Variants in CHSY3 observed in about 807,000 individuals in gnomAD.
CHSY3 encodes N-acetylgalactosaminyl-proteoglycan 3-beta-glucuronosyltransferase 3.
Under a neutral mutation model 67.2 loss-of-function variants are expected in CHSY3, and 35 were observed. The observed-to-expected ratio is 0.52, with a 90% CI of 0.40 to 0.69. CHSY3 has a LOEUF of 0.69. Ranked by LOEUF, CHSY3 falls within the 30% of genes least tolerant of loss-of-function variation. The pLI is 0.00. For synonymous variants in CHSY3, 474 were observed against 434.7 expected, an observed-to-expected ratio of 1.09 and a Z score of -1.12; for missense variants, 1,069 against 1,138.5, an observed-to-expected ratio of 0.94 and a Z score of 0.88.
Position 130,133,800 on chromosome 5 carries a change from A to G in CHSY3, c.1087-50429A>G, listed in dbSNP as rs867247482. Among the ~76,000 whole-genome samples, 238 of 148,752 alleles carry G rather than the reference A, an allele frequency of 1.6e-3. 1 individual carries two copies. Among genetic ancestry groups the G allele is most frequent in the African/African-American group, 5.5e-3 (225 of 40,942 alleles). ...AAAAAAAAAAAAAAAAAAAAAGAAA[A>G]AAAAAAAAAAGGCTGTCAACCTAAG... On this transcript the variant is annotated intron_variant, in intron 2 of 2. Coordinates refer to ENST00000305031, the MANE Select transcript of CHSY3 (RefSeq NM_175856.5).
At chr5:129,966,244 T>C (rs1390506171) in intron 2 of CHSY3, among the ~76,000 whole-genome samples, 1 of 151,880 alleles carries the variant, frequency 6.6e-6, no homozygotes, top group Non-Finnish European at 1.5e-5. Flanking sequence ...ACATTCATCT[T>C]TGGCAACTAT....
intron 2 of CHSY3, among the ~76,000 whole-genome samples, chr5:129,950,555 A>T (rs1473142002): frequency 6.6e-6 from 1 of 152,238 alleles, no homozygotes; most frequent in African/African-American, 2.4e-5. Context: ...GTTAGAGCTA[A>T]TAAATATATT....
At chr5:130,043,711 G>A (rs1765067312) in intron 2 of CHSY3, among the ~76,000 whole-genome samples, 1 of 151,976 alleles carries the variant, frequency 6.6e-6, no homozygotes, top group South Asian at 2.1e-4. Flanking sequence ...TTGATGTCAT[G>A]TAGCAGAATT....
chr5:130,026,814 A>G (rs1764555095), intron 2 of CHSY3, among the ~76,000 whole-genome samples: 1 of 152,112 alleles, frequency 6.6e-6, no homozygotes, highest in African/African-American at 2.4e-5. Flanking sequence ...TTCTTGTAAC[A>G]TTTTATTCTG....
intron 2 of CHSY3, among the ~76,000 whole-genome samples, chr5:129,979,248 T>G (rs1162181775): frequency 6.8e-6 from 1 of 147,476 alleles, no homozygotes. Flanking sequence ...AAAGAAAAAT[T>G]AGTACTAATT....
At chr5:130,147,990 TC>T (rs2149722848) in intron 2 of CHSY3, among the ~76,000 whole-genome samples, 1 of 152,210 alleles carries the variant, frequency 6.6e-6, no homozygotes, top group East Asian at 1.9e-4. Flanking sequence ...TTTTTCCTGA[TC>T]CCCTCCCTCC....
intron 2 of CHSY3, among the ~76,000 whole-genome samples, chr5:130,013,209 C>G (rs901459742): frequency 6.6e-6 from 1 of 152,156 alleles, no homozygotes; most frequent in Non-Finnish European, 1.5e-5. Context: ...GGTACAGCCC[C>G]CCTCCTGGCT....
chr5:130,052,613 A>G (rs1368779530), intron 2 of CHSY3, among the ~76,000 whole-genome samples: 6 of 152,128 alleles, frequency 3.9e-5, no homozygotes, highest in Non-Finnish European at 8.8e-5. Context: ...ATTTTATTCA[A>G]AGGGAAAACA....
intron 2 of CHSY3, among the ~76,000 whole-genome samples, chr5:129,940,099 G>C (rs1761652092): frequency 6.6e-6 from 1 of 151,916 alleles, no homozygotes; most frequent in Non-Finnish European, 1.5e-5. Flanking sequence ...TTCCAGTTTG[G>C]ATTATCTTCA....
rs370585070 is a variant in CHSY3, at chr5:130,115,229, CT to C, written c.1087-68994del. On this transcript the variant is annotated intron_variant, in intron 2 of 2. Transcript: ENST00000305031. ...ACTTCAAAAAGAAAGGTTTATAGTT[CT>C]TTTTTCCCCCCATTTTTTTCCTCCA... is the stretch of plus-strand genomic sequence containing the variant. 5.4e-3 allele frequency among the ~76,000 whole-genome samples: 810 copies of C among 151,292 alleles called. 4 individuals carry two copies. Among genetic ancestry groups the C allele is most frequent in the African/African-American group, 0.012 (500 of 41,236 alleles).
chr5:130,091,233 G>A (rs1238810671), intron 2 of CHSY3, among the ~76,000 whole-genome samples: 1 of 151,882 alleles, frequency 6.6e-6, no homozygotes, highest in East Asian at 1.9e-4. Context: ...AGTCCTTTTA[G>A]TATGTAATTA....
chr5:130,157,543 G>T lies in CHSY3; in HGVS notation c.1087-26686G>T, dbSNP rs1319167594. Among the ~76,000 whole-genome samples, 2 of 152,200 alleles carry T rather than the reference G, an allele frequency of 1.3e-5. 1 individual carries two copies. Among genetic ancestry groups the T allele is most frequent in the Non-Finnish European group, 2.9e-5 (2 of 68,032 alleles). On this transcript the variant is annotated intron_variant, in intron 2 of 2. Coordinates refer to ENST00000305031, the MANE Select transcript of CHSY3 (RefSeq NM_175856.5). ...AGTCGCTAAGATTTAAAGGACCAAA[G>T]ATTTTCGTTTAGTAGAGAAAAATTT...
chr5:130,177,204 AGT>A (rs1770081205), intron 2 of CHSY3, among the ~76,000 whole-genome samples: 1 of 133,898 alleles, frequency 7.5e-6, no homozygotes, highest in African/African-American at 2.7e-5. Context: ...TATATATATG[AGT>A]GTGTGTATAT....
chr5:130,164,873 A>G (rs940988518), intron 2 of CHSY3, among the ~76,000 whole-genome samples: 5 of 152,210 alleles, frequency 3.3e-5, no homozygotes, highest in Non-Finnish European at 7.3e-5. Context: ...TGATTTAGTC[A>G]GAGAAAGTGT....
Position 129,905,598 on chromosome 5 carries a change from T to G in CHSY3, c.769T>G (p.Phe257Val). 6.2e-7 allele frequency: 1 copy of G among 1,613,632 alleles called. No homozygotes were observed. Among genetic ancestry groups the G allele is most frequent in the Non-Finnish European group, 8.5e-7 (1 of 1,179,974 alleles). ...CCACTACCTGGACAAGTATGAGTGG[T>G]TCATGCGCGCCGACGACGATGTCTA... ...HDHYLDKYEW[F>V]MRADDDVYIK... Residue 257 changes from phenylalanine (F) to valine (V), a missense_variant, in exon 1 of 3, where the codon TTC (phenylalanine) becomes GTC (valine). This residue lies in a region of CHSY3 where 216 missense variants were observed against 311.5 expected (regional missense o/e 0.69). Coordinates refer to ENST00000305031, the MANE Select transcript of CHSY3 (RefSeq NM_175856.5).
chr5:130,159,514 T>C (rs922143405), intron 2 of CHSY3, among the ~76,000 whole-genome samples: 2 of 152,222 alleles, frequency 1.3e-5, no homozygotes, highest in Admixed American at 1.3e-4. Context: ...AGTACTTGAA[T>C]CACTTTAAAT....
At chr5:130,003,753 G>T (rs530414393) in intron 2 of CHSY3, among the ~76,000 whole-genome samples, 1 of 152,072 alleles carries the variant, frequency 6.6e-6, no homozygotes, top group Non-Finnish European at 1.5e-5. Context: ...TAGTTTTCTC[G>T]AAATTTTCTG....
At chr5:130,035,830 T>TGGC (rs1764844647) in intron 2 of CHSY3, among the ~76,000 whole-genome samples, 1 of 151,416 alleles carries the variant, frequency 6.6e-6, no homozygotes, top group Non-Finnish European at 1.5e-5. Flanking sequence ...ATCAGGATAC[T>TGGC]GGCATTCCCA....
intron 2 of CHSY3, among the ~76,000 whole-genome samples, chr5:129,954,609 C>A (rs1023655847): frequency 6.6e-6 from 1 of 152,074 alleles, no homozygotes; most frequent in Admixed American, 6.5e-5. Context: ...TCTTCCTATC[C>A]ATGAGCATGG....
Sources: allele counts gnomAD v4.1 joint callset (sites outside exome capture counted in the v4.1 genomes callset), GRCh38; gene constraint gnomAD v4.1.1; regional missense constraint gnomAD v4.1.1; transcripts MANE v1.5; gene names NCBI Gene and HGNC (gene_info 2026-07-23, HGNC 2026-07-21).